The following RIPPLY3 variants were observed in gnomAD, a reference collection of about 807,000 sequenced individuals.
The protein encoded by RIPPLY3 is protein ripply3.
RIPPLY3 carries 8 observed loss-of-function variants against 11.9 expected under a neutral mutation model. That is an observed-to-expected ratio of 0.67 (90% CI 0.40 to 1.21). The LOEUF (loss-of-function observed/expected upper bound fraction) is 1.21, where lower values mean the gene tolerates loss of function less well. RIPPLY3 is among the 50% of genes most tolerant of loss of function. RIPPLY3 has a pLI of 0.01. For missense variants in RIPPLY3, 271 were observed against 246.0 expected (o/e 1.10, Z -0.68); for synonymous variants, 102 against 99.0 (o/e 1.03, Z -0.18).
rs368630511 is a variant in RIPPLY3, at chr21:37,013,627, C to T, written c.239+9C>T. 117 of 1,604,042 alleles carry T rather than the reference C, an allele frequency of 7.3e-5. No homozygotes were observed. The highest frequency in any genetic ancestry group is 3.1e-4 in the African/African-American group (23 of 74,764). On this transcript the variant is annotated intron_variant, in intron 3 of 3. Transcript: ENST00000329553. ...TTTCAGCATCCTGTAAGGTAATATACGACTTCACAATAAGTAATCTGTAAT... is the reference window on the plus strand; with the variant it reads ...TTTCAGCATCCTGTAAGGTAATATATGACTTCACAATAAGTAATCTGTAAT...
At position 37,017,145 on chromosome 21, in the gene RIPPLY3, T is replaced by G. The variant is rs1289206735; in HGVS notation, c.240-729T>G. 4.2e-5 allele frequency among the ~76,000 whole-genome samples: 4 copies of G among 95,750 alleles called. No homozygotes were observed. In the South Asian group the frequency reaches 1.4e-3, roughly 33 times the overall value. 62.8% of individuals were successfully genotyped at this position (95,750 alleles called of 152,430 possible). The stretch of plus-strand genomic sequence containing the variant: ...TCCAGCCTGGGTGAGAGAGTAAGAC[T>G]CCCTTTCAAAAAAAAAAAAAAAAAA... On this transcript the variant is annotated intron_variant, in intron 3 of 3. Coordinates refer to ENST00000329553, the MANE Select transcript of RIPPLY3 (RefSeq NM_018962.3).
At chr21:37,011,861 G>A (rs1424352329) in intron 2 of RIPPLY3, among the ~76,000 whole-genome samples, 1 of 141,434 alleles carries the variant, frequency 7.1e-6, no homozygotes, top group Non-Finnish European at 1.5e-5. Context: ...GCTGAGGCAG[G>A]AGAATCTCAG....
chr21:37,015,443 C>T (rs1305659449), intron 3 of RIPPLY3, among the ~76,000 whole-genome samples: 1 of 152,166 alleles, frequency 6.6e-6, no homozygotes, highest in East Asian at 1.9e-4. Flanking sequence ...TGATCACAGG[C>T]TGTGATCACA....
intron 2 of RIPPLY3, among the ~76,000 whole-genome samples, chr21:37,009,503 C>T (rs1185615067): frequency 6.6e-6 from 1 of 152,008 alleles, no homozygotes; most frequent in African/African-American, 2.4e-5. Context: ...TTTTAGTCCC[C>T]GATTATTTAT....
Position 37,017,911 on chromosome 21 carries a change from C to A in RIPPLY3, c.277C>A (p.Arg93=), listed in dbSNP as rs551289004. 5 of 1,613,902 alleles carry A rather than the reference C, an allele frequency of 3.1e-6. No individual in the cohort carries two copies. The East Asian group carries it at 6.7e-5, about 22-fold the overall frequency. The change falls in exon 4 of 4, where the codon CGG becomes AGG. Residue 93 remains arginine, a synonymous_variant. Transcript: ENST00000329553. ...CATGTCAAAGCGTCAAGAATACCTG[C>A]GGAGTTCCGGGGAGCAAGTACTGGC... The part of the protein sequence containing the change: ...LPMSKRQEYL[R]SSGEQVLASF...
intron 2 of RIPPLY3, among the ~76,000 whole-genome samples, chr21:37,012,917 T>C (rs1001352767): frequency 6.8e-6 from 1 of 146,484 alleles, no homozygotes; most frequent in African/African-American, 2.5e-5. Flanking sequence ...CAGGCTGGAG[T>C]GCAGTGGCAG....
chr21:37,019,264 C>CAAAAAAAAAA lies in RIPPLY3; in HGVS notation c.*1069_*1078dup, dbSNP rs376035189. On this transcript the variant is annotated 3_prime_UTR_variant, in exon 4 of 4. Coordinates refer to ENST00000329553, the MANE Select transcript of RIPPLY3 (RefSeq NM_018962.3). Reference sequence around the variant, plus strand: ...GGGCAACAAGAGCGAAACTCCGTCTCAAAAAAAAAAAAAAAAAAAAAGAAA... The same window carrying CAAAAAAAAAA: ...GGGCAACAAGAGCGAAACTCCGTCTCAAAAAAAAAAAAAAAAAAAAAAAAAAAAAAAGAAA... The CAAAAAAAAAA allele has an allele frequency of 1.5e-4, 15 of 97,486 alleles. No individual in the cohort carries two copies. Among genetic ancestry groups the CAAAAAAAAAA allele is most frequent in the East Asian group, 6.1e-4 (2 of 3,280 alleles). The allele number at this position is 97,486 out of a possible 1,614,324, so 6.0% of individuals were successfully genotyped here.
At chr21:37,011,737 C>T (rs551104504) in intron 2 of RIPPLY3, among the ~76,000 whole-genome samples, 27 of 151,900 alleles carry the variant, frequency 1.8e-4, no homozygotes, top group Non-Finnish European at 3.4e-4. Context: ...GAGGCCGAGG[C>T]GGGCGGATCA....
chr21:37,014,338 G>T (rs150326598), intron 3 of RIPPLY3, among the ~76,000 whole-genome samples: 1 of 151,968 alleles, frequency 6.6e-6, no homozygotes, highest in Non-Finnish European at 1.5e-5. Context: ...AAATCTATGT[G>T]TTGAGTAAAT....
chr21:37,008,296 C>G, intron 2 of RIPPLY3, 73 bp downstream of exon 2: 1 of 1,496,744 alleles, frequency 6.7e-7, no homozygotes, highest in Non-Finnish European at 9.2e-7. Flanking sequence ...AATACAGGGA[C>G]CGTGAATGGC....
chr21:37,019,264 C>CAAAAAAAAAAAAAAAAAAAAAAAAAAA lies in RIPPLY3; in HGVS notation c.*1078_*1079insAAAAAAAAAAAAAAAAAAAAAAAAAAA, dbSNP rs376035189. The stretch of plus-strand genomic sequence containing the variant: ...GGGCAACAAGAGCGAAACTCCGTCT[C>CAAAAAAAAAAAAAAAAAAAAAAAAAAA]AAAAAAAAAAAAAAAAAAAAAGAAA... On this transcript the variant is annotated 3_prime_UTR_variant, in exon 4 of 4. Coordinates refer to ENST00000329553, the MANE Select transcript of RIPPLY3 (RefSeq NM_018962.3). 1 of 97,516 alleles carries CAAAAAAAAAAAAAAAAAAAAAAAAAAA rather than the reference C, an allele frequency of 1.0e-5. No individual in the cohort carries two copies. Among genetic ancestry groups the CAAAAAAAAAAAAAAAAAAAAAAAAAAA allele is most frequent in the Non-Finnish European group, 2.0e-5 (1 of 50,038 alleles). 6.0% of individuals were successfully genotyped at this position (97,516 alleles called of 1,614,324 possible).
chr21:37,007,278 G>A (rs992158102), intron 1 of RIPPLY3, among the ~76,000 whole-genome samples: 3 of 152,094 alleles, frequency 2.0e-5, no homozygotes, highest in African/African-American at 7.2e-5. Context: ...GGCGTTCGCT[G>A]TCCCTGGGCA....
rs201110032 is a variant in RIPPLY3, at chr21:37,018,118, C to T, written c.484C>T (p.Arg162Ter). 1.5e-4 allele frequency: 237 copies of T among 1,613,838 alleles called. No individual in the cohort carries two copies. The highest frequency in any genetic ancestry group is 1.9e-4 in the Non-Finnish European group (221 of 1,179,982). Residue 162 changes from arginine to a stop codon, truncating the protein, a stop_gained, in exon 4 of 4, where the codon CGA (arginine) becomes TGA (stop). Coordinates refer to ENST00000329553, the MANE Select transcript of RIPPLY3 (RefSeq NM_018962.3). LOFTEE classifies it low-confidence loss of function (END_TRUNC). ...AGACCAGGGCATCAACCAAGGGCAG[C>T]GATCCTCAGGAGGGGGTGACCACTG... is the stretch of plus-strand genomic sequence containing the variant. ...GRDQGINQGQ[R>*]SSGGGDHWGE...
rs1473606196 is a variant in RIPPLY3 at position 37,019,356 on chromosome 21, A to T, written c.*1149A>T. ...AGATAAAAATGTATGTGATGACTGT[A>T]TAAGGAGGCCTGTGTGTATGAATTT... On this transcript the variant is annotated 3_prime_UTR_variant, in exon 4 of 4. Transcript: ENST00000329553. 2 of 151,918 alleles carry T rather than the reference A, an allele frequency of 1.3e-5. No individual in the cohort carries two copies. 9.4% of individuals were successfully genotyped at this position (151,918 alleles called of 1,614,324 possible). A position where few individuals can be genotyped will look rare whatever the true frequency, so the allele number is the denominator to read the frequency against.
At position 37,019,177 on chromosome 21, in the gene RIPPLY3, T is replaced by C. The variant is rs1012725219; in HGVS notation, c.*970T>C. The stretch of plus-strand genomic sequence containing the variant: ...TACTCGGGAGGCTGAGGCAGGAGAA[T>C]GGCTAGAACCCGGGAGGCGGAGGTT... On this transcript the variant is annotated 3_prime_UTR_variant, in exon 4 of 4. Transcript: ENST00000329553. 1.4e-5 allele frequency: 2 copies of C among 144,226 alleles called. No homozygotes were observed. Among genetic ancestry groups the C allele is most frequent in the Admixed American group, 7.4e-5 (1 of 13,520 alleles). 8.9% of individuals were successfully genotyped at this position (144,226 alleles called of 1,614,324 possible). A position where few individuals can be genotyped will look rare whatever the true frequency, so the allele number is the denominator to read the frequency against.
At position 37,017,957 on chromosome 21, in the gene RIPPLY3, C is replaced by T. The variant is rs375463852; in HGVS notation, c.323C>T (p.Thr108Met). 7.2e-5 allele frequency: 117 copies of T among 1,614,160 alleles called. 1 individual carries two copies. In the Admixed American group the frequency reaches 1.6e-3, roughly 23 times the overall value. The change falls in exon 4 of 4, where the codon ACG (threonine) becomes ATG (methionine). Residue 108 changes from threonine to methionine, a missense_variant. Coordinates refer to ENST00000329553, the MANE Select transcript of RIPPLY3 (RefSeq NM_018962.3). ...QVLASFPVQATIDFYDDESTE... is the reference protein window; with the variant it reads ...QVLASFPVQAMIDFYDDESTE... ...CTGGCCAGTTTCCCAGTGCAAGCCACGATTGACTTCTACGACGATGAGTCT... is the reference window on the plus strand; with the variant it reads ...CTGGCCAGTTTCCCAGTGCAAGCCATGATTGACTTCTACGACGATGAGTCT...
upstream of RIPPLY3, chr21:37,006,505 T>C (rs1282715530): frequency 6.3e-6 from 2 of 319,068 alleles, no homozygotes; most frequent in Non-Finnish European, 1.1e-5. The surrounding 1 kb of genome is among the most constrained non-coding windows in gnomAD (Gnocchi z 5.2). Context: ...TTTTCTCGTC[T>C]CCTCCCCATC....
chr21:37,013,330 C>T (rs1478458648), intron 2 of RIPPLY3, among the ~76,000 whole-genome samples: 2 of 152,132 alleles, frequency 1.3e-5, no homozygotes, highest in African/African-American at 4.8e-5. Context: ...GGCACTGTGT[C>T]CAACTCCTTC....
chr21:37,016,547 G>T (rs2069580943), intron 3 of RIPPLY3, among the ~76,000 whole-genome samples: 1 of 152,014 alleles, frequency 6.6e-6, no homozygotes, highest in African/African-American at 2.4e-5. Flanking sequence ...TGAATGAAAA[G>T]CAGGTCGAGG....
Sources: allele counts gnomAD v4.1 joint callset (sites outside exome capture counted in the v4.1 genomes callset), GRCh38; gene constraint gnomAD v4.1.1; non-coding constraint Gnocchi (gnomAD v3.1); transcripts MANE v1.5; gene names NCBI Gene and HGNC (gene_info 2026-07-23, HGNC 2026-07-21).